Variants in BFSP2 observed in about 807,000 individuals in gnomAD.
BFSP2 encodes phakinin.
BFSP2 carries 38 observed loss-of-function variants against 44.9 expected under a neutral mutation model. The observed-to-expected ratio is 0.85, with a 90% CI of 0.65 to 1.11. The LOEUF (loss-of-function observed/expected upper bound fraction) is 1.11, where lower values mean the gene tolerates loss of function less well. Among genes scored for constraint, BFSP2 ranks in the 50% least tolerant of loss-of-function variants. The pLI is 0.00. For synonymous variants in BFSP2, 197 were observed against 209.9 expected (o/e 0.94, Z 0.53); for missense variants, 525 against 533.0 (o/e 0.99, Z 0.15).
chr3:133,449,446 T>C (rs566440443), intron 3 of BFSP2, among the ~76,000 whole-genome samples: 17 of 152,346 alleles, frequency 1.1e-4, no homozygotes, highest in African/African-American at 4.1e-4. Context: ...TACTTTAAGT[T>C]TTAGGGTACA....
At chr3:133,422,105 C>CAAAA (rs35193779) in intron 1 of BFSP2, among the ~76,000 whole-genome samples, 1,313 of 83,724 alleles carry the variant, frequency 0.016, 116 homozygotes, top group African/African-American at 0.057. Context: ...GACTCCATCT[C>CAAAA]AAAAAAAAAA....
chr3:133,433,488 C>T (rs1374358231), intron 1 of BFSP2, among the ~76,000 whole-genome samples: 1 of 152,102 alleles, frequency 6.6e-6, no homozygotes, highest in Admixed American at 6.5e-5. Flanking sequence ...GAGGATTTGC[C>T]CCCACCCAGG....
At chr3:133,425,452 A>G (rs1035812018) in intron 1 of BFSP2, among the ~76,000 whole-genome samples, 3 of 152,218 alleles carry the variant, frequency 2.0e-5, no homozygotes, top group Non-Finnish European at 4.4e-5. Context: ...CAACTTGCTC[A>G]GTGGGTGGTA....
intron 4 of BFSP2, among the ~76,000 whole-genome samples, chr3:133,459,650 A>C (rs2074044080): frequency 6.6e-6 from 1 of 152,164 alleles, no homozygotes; most frequent in Admixed American, 6.5e-5. Context: ...ACTTCTTTTT[A>C]ATCCCCGCTG....
intron 1 of BFSP2, among the ~76,000 whole-genome samples, chr3:133,442,290 C>A (rs1249819552): frequency 1.3e-5 from 2 of 152,174 alleles, no homozygotes; most frequent in Non-Finnish European, 2.9e-5. Flanking sequence ...GGGTGCACAT[C>A]ATGACACCTG....
intron 1 of BFSP2, chr3:133,410,173 G>A (rs2073436948): frequency 5.3e-6 from 1 of 189,442 alleles, no homozygotes. Flanking sequence ...CTATACCAAG[G>A]CTTATTGCAG....
intron 1 of BFSP2, among the ~76,000 whole-genome samples, chr3:133,404,422 A>T (rs1216489992): frequency 2.0e-5 from 3 of 152,072 alleles, no homozygotes; most frequent in Non-Finnish European, 4.4e-5. Flanking sequence ...CTCACCCCCA[A>T]CCCAGGTACC....
At chr3:133,467,688 T>C (rs1012981230) in intron 5 of BFSP2, among the ~76,000 whole-genome samples, 2 of 152,184 alleles carry the variant, frequency 1.3e-5, no homozygotes, top group Admixed American at 6.5e-5. Flanking sequence ...ATCTCTGGAA[T>C]GGATTGAAGT....
At chr3:133,406,947 G>A (rs1169954136) in intron 1 of BFSP2, among the ~76,000 whole-genome samples, 2 of 152,196 alleles carry the variant, frequency 1.3e-5, no homozygotes, top group Non-Finnish European at 2.9e-5. Context: ...GTGGGCAAAT[G>A]CCTGTAATCC....
At position 133,475,060 on chromosome 3, in the gene BFSP2, C is replaced by G. The variant is rs376986226; in HGVS notation, c.*88C>G. The G allele has an allele frequency of 1.2e-5, 19 of 1,548,092 alleles. No individual in the cohort carries two copies. The highest frequency in any genetic ancestry group is 1.1e-4 in the East Asian group (5 of 44,590). ...GCTTGAGGAGCTTTCTCCTGAGCTCCAGTCCCTGCTGGATTCCCTGGTTAA... is the reference window on the plus strand; with the variant it reads ...GCTTGAGGAGCTTTCTCCTGAGCTCGAGTCCCTGCTGGATTCCCTGGTTAA... On this transcript the variant is annotated 3_prime_UTR_variant, in exon 7 of 7. Coordinates refer to ENST00000302334, the MANE Select transcript of BFSP2 (RefSeq NM_003571.4).
intron 4 of BFSP2, among the ~76,000 whole-genome samples, chr3:133,454,290 C>A (rs2073993142): frequency 6.6e-6 from 1 of 152,156 alleles, no homozygotes. Context: ...TATGGATAGC[C>A]ACTCTACTCC....
At chr3:133,414,448 C>T (rs1298718464) in intron 1 of BFSP2, among the ~76,000 whole-genome samples, 5 of 103,466 alleles carry the variant, frequency 4.8e-5, no homozygotes, top group African/African-American at 7.9e-5. Context: ...CCTGCCCTCT[C>T]CCCTCTACTC....
intron 5 of BFSP2, among the ~76,000 whole-genome samples, chr3:133,470,800 G>C (rs2074155187): frequency 6.6e-6 from 1 of 152,184 alleles, no homozygotes; most frequent in South Asian, 2.1e-4. Context: ...AGCAAGCTTA[G>C]CCCACTGTGA....
At chr3:133,471,959 G>A (rs978201023) in intron 5 of BFSP2, among the ~76,000 whole-genome samples, 1 of 152,002 alleles carries the variant, frequency 6.6e-6, no homozygotes, top group Non-Finnish European at 1.5e-5. Flanking sequence ...AAAAAGCCCC[G>A]GAGAACAAGA....
intron 1 of BFSP2, among the ~76,000 whole-genome samples, chr3:133,421,451 C>T (rs150269515): frequency 2.6e-5 from 4 of 152,366 alleles, no homozygotes; most frequent in African/African-American, 7.2e-5. Flanking sequence ...CCCGTAGATG[C>T]ATCACCCCCA....
At chr3:133,468,624 T>G (rs2074134060) in intron 5 of BFSP2, among the ~76,000 whole-genome samples, 1 of 152,194 alleles carries the variant, frequency 6.6e-6, no homozygotes, top group Non-Finnish European at 1.5e-5. Context: ...TAGTCAAACT[T>G]CTGATATAGC....
intron 4 of BFSP2, among the ~76,000 whole-genome samples, chr3:133,456,974 C>G (rs559860502): frequency 1.3e-5 from 2 of 152,124 alleles, no homozygotes; most frequent in East Asian, 1.9e-4. Flanking sequence ...GCTACTCTGT[C>G]TAGACTTTTT....
At chr3:133,412,720 C>T (rs2073467876) in intron 1 of BFSP2, among the ~76,000 whole-genome samples, 1 of 152,260 alleles carries the variant, frequency 6.6e-6, no homozygotes, top group Non-Finnish European at 1.5e-5. Flanking sequence ...GAGCCTGGCA[C>T]AGGGAGGCAT....
At chr3:133,427,411 C>T (rs1033470527) in intron 1 of BFSP2, among the ~76,000 whole-genome samples, 2 of 152,210 alleles carry the variant, frequency 1.3e-5, no homozygotes, top group Admixed American at 6.5e-5. Context: ...GTGATAAATA[C>T]GATGTCTGGT....
Sources: gnomAD v4.1 joint callset for allele counts (sites outside exome capture counted in the v4.1 genomes callset) on GRCh38, gnomAD v4.1.1 for gene constraint, MANE v1.5 for transcripts, NCBI Gene and HGNC (gene_info 2026-07-23, HGNC 2026-07-21) for gene names.